Variants in ZDHHC11B observed in about 807,000 individuals in gnomAD.
ZDHHC11B encodes the protein zDHHC palmitoyltransferase 11B (putative).
In ZDHHC11B, 17 loss-of-function variants were observed where a neutral mutation model predicts 42.3. The ratio of observed to expected loss-of-function variants is 0.40; its 90% confidence interval spans 0.27 to 0.60. The LOEUF is 0.60. Ranked by LOEUF, ZDHHC11B falls within the 20% of genes least tolerant of loss-of-function variation. ZDHHC11B has a pLI of 0.41. For missense variants in ZDHHC11B, 262 were observed against 463.2 expected, an observed-to-expected ratio of 0.57 and a Z score of 3.99; for synonymous variants, 123 against 193.5, an observed-to-expected ratio of 0.64 and a Z score of 3.02.
At chr5:762,390 C>T (rs1341659767) in intron 4 of ZDHHC11B, among the ~76,000 whole-genome samples, 1 of 151,886 alleles carries the variant, frequency 6.6e-6, no homozygotes, top group African/African-American at 2.4e-5. Context: ...CCACAGTCAG[C>T]ACCCACGTCT....
intron 1 of ZDHHC11B, among the ~76,000 whole-genome samples, chr5:783,311 C>T (rs1356717527): frequency 6.6e-6 from 1 of 152,284 alleles, no homozygotes; most frequent in Non-Finnish European, 1.5e-5. Context: ...GAGCCCAGTT[C>T]AAGGCGCCGG....
At chr5:751,491 G>GGT (rs1476672940) in intron 6 of ZDHHC11B, among the ~76,000 whole-genome samples, 2 of 34,140 alleles carry the variant, frequency 5.9e-5, no homozygotes, top group Non-Finnish European at 1.5e-4. Flanking sequence ...ATGCAGGGCA[G>GGT]GTGGGGGGTG....
intron 4 of ZDHHC11B, 83 bp downstream of exon 4, chr5:766,615 T>A: frequency 1.4e-6 from 2 of 1,416,944 alleles, no homozygotes; most frequent in Non-Finnish European, 9.7e-7. Flanking sequence ...CGGGCAGCCA[T>A]GGCCCAGACC....
intron 4 of ZDHHC11B, among the ~76,000 whole-genome samples, chr5:763,580 C>T (rs184222495): frequency 2.0e-5 from 3 of 151,866 alleles, no homozygotes; most frequent in Admixed American, 2.0e-4. Flanking sequence ...GTTTCTCTGA[C>T]CAGTCAAAGG....
intron 1 of ZDHHC11B, among the ~76,000 whole-genome samples, chr5:769,804 G>T (rs897900300): frequency 2.0e-5 from 3 of 151,944 alleles, no homozygotes; most frequent in African/African-American, 7.3e-5. Flanking sequence ...GGAGCAGGGT[G>T]GGCCAGCACT....
At chr5:757,098 AAC>A (rs1364600596) in intron 4 of ZDHHC11B, among the ~76,000 whole-genome samples, 1 of 151,786 alleles carries the variant, frequency 6.6e-6, no homozygotes, top group African/African-American at 2.4e-5. Context: ...CCCTGGGACA[AAC>A]ACAGACTCCC....
At chr5:772,491 C>A (rs1461797892) in intron 1 of ZDHHC11B, among the ~76,000 whole-genome samples, 1 of 151,952 alleles carries the variant, frequency 6.6e-6, no homozygotes, top group Non-Finnish European at 1.5e-5. Flanking sequence ...CTGAGGGGAG[C>A]AAGGCCACCT....
In ZDHHC11B at chr5:723,607, A is replaced by T. The variant is rs1742350612; in HGVS notation, c.1059-6742T>A. 1.8e-5 allele frequency among the ~76,000 whole-genome samples: 2 copies of T among 111,058 alleles called. 1 individual carries two copies. Among genetic ancestry groups the T allele is most frequent in the South Asian group, 5.7e-4 (2 of 3,532 alleles). The allele number at this position is 111,058 out of a possible 152,430, so 72.9% of individuals were successfully genotyped here. On this transcript the variant is annotated intron_variant, in intron 12 of 13. Coordinates refer to ENST00000508859, the MANE Select transcript of ZDHHC11B (RefSeq NM_001351303.2). The stretch of plus-strand genomic sequence containing the variant: ...CCTCTGGGGGTATCAGAGCAACAGG[A>T]TCAGACGCAGGTCCTGGACTGAGCC...
intron 4 of ZDHHC11B, among the ~76,000 whole-genome samples, chr5:761,432 A>T (rs2150202975): frequency 1.3e-5 from 2 of 151,844 alleles, no homozygotes; most frequent in Middle Eastern, 3.4e-3. Flanking sequence ...GGACTCAGGG[A>T]TGTAGGTGGA....
intron 11 of ZDHHC11B, among the ~76,000 whole-genome samples, 161 bp from the exon 12 acceptor site, chr5:730,629 C>A (rs115263552): frequency 6.6e-6 from 1 of 151,700 alleles, no homozygotes; most frequent in African/African-American, 2.4e-5. Flanking sequence ...TGGCACAGCA[C>A]GCTTCCTCCC....
intron 6 of ZDHHC11B, among the ~76,000 whole-genome samples, chr5:751,671 C>A (rs1454099089): frequency 7.8e-6 from 1 of 128,114 alleles, no homozygotes; most frequent in Non-Finnish European, 1.7e-5. Context: ...CTGGCCACTG[C>A]CCGATGCTGG....
At chr5:778,354 G>T (rs1257483636) in intron 1 of ZDHHC11B, among the ~76,000 whole-genome samples, 1 of 151,264 alleles carries the variant, frequency 6.6e-6, no homozygotes, top group Non-Finnish European at 1.5e-5. Flanking sequence ...TGTGGGGACA[G>T]CAAGGACTCT....
intron 13 of ZDHHC11B, among the ~76,000 whole-genome samples, chr5:713,200 C>A (rs1296848757): frequency 3.3e-5 from 5 of 151,858 alleles, no homozygotes; most frequent in African/African-American, 9.7e-5. Context: ...CACTTTGTAT[C>A]TATTTCAGTA....
At chr5:754,385 C>T (rs5028823) in intron 6 of ZDHHC11B, among the ~76,000 whole-genome samples, 7,928 of 24,140 alleles carry the variant, frequency 0.33, 2,767 homozygotes, top group East Asian at 0.76. Flanking sequence ...ACCTCTCATC[C>T]TTGTGCCTCC....
chr5:776,885 C>T (rs1162132637), intron 1 of ZDHHC11B, among the ~76,000 whole-genome samples: 2 of 151,922 alleles, frequency 1.3e-5, no homozygotes, highest in African/African-American at 4.8e-5. Flanking sequence ...TATCATCGCA[C>T]GGCCCTCCTG....
rs2127057590 is a variant in ZDHHC11B at position 745,183 on chromosome 5, C to T, written c.900G>A (p.Gln300=). The T allele has an allele frequency of 8.3e-7, 1 of 1,198,858 alleles. No homozygotes were observed. The highest frequency in any genetic ancestry group is 1.2e-6 in the Non-Finnish European group (1 of 833,186). The allele number at this position is 1,198,858 out of a possible 1,614,324, so 74.3% of individuals were successfully genotyped here. ...PYVQMDKGFL[Q]QGAGALGSSA... ...AAAGGAGCAGAGAGACAGGTGGTAC[C>T]TGGAGAAATCCTTTGTCCATTTGCA... The change falls in exon 9 of 14, where the codon CAG becomes CAA. Residue 300 remains glutamine (Q), a splice_region_variant and synonymous_variant. Transcript: ENST00000508859.
chr5:777,545 C>G, intron 1 of ZDHHC11B, among the ~76,000 whole-genome samples: 1 of 151,990 alleles, frequency 6.6e-6, no homozygotes, highest in South Asian at 2.1e-4. Flanking sequence ...AGAATGGAGT[C>G]AGGTTGCGGC....
At position 716,361 on chromosome 5, in the gene ZDHHC11B, A is replaced by T. The variant is rs146079318; in HGVS notation, c.*7+440T>A. On this transcript the variant is annotated intron_variant, in intron 13 of 13. Coordinates refer to ENST00000508859, the MANE Select transcript of ZDHHC11B (RefSeq NM_001351303.2). ...TAAATGATCATTTGTTTCACGGTTA[A>T]ATTTCACTGCATTCTATGGATCGTC... 6.6e-3 allele frequency among the ~76,000 whole-genome samples: 1,007 copies of T among 151,740 alleles called. 34 individuals carry two copies. Among genetic ancestry groups the T allele is most frequent in the African/African-American group, 0.023 (938 of 41,200 alleles).
intron 12 of ZDHHC11B, among the ~76,000 whole-genome samples, 180 bp downstream of exon 12, chr5:730,254 A>G (rs1398331448): frequency 6.6e-6 from 1 of 151,876 alleles, no homozygotes; most frequent in Non-Finnish European, 1.5e-5. Context: ...AATTTTTTCA[A>G]GTAAGATCAG....
Sources: allele counts gnomAD v4.1 joint callset (sites outside exome capture counted in the v4.1 genomes callset), GRCh38; gene constraint gnomAD v4.1.1; transcripts MANE v1.5; gene names NCBI Gene and HGNC (gene_info 2026-07-23, HGNC 2026-07-21).